DTWD2: variants seen among roughly 807,000 people sequenced by gnomAD.
The protein encoded by DTWD2 is tRNA-uridine aminocarboxypropyltransferase 2.
DTWD2 carries 39 observed loss-of-function variants against 31.8 expected under a neutral mutation model. The observed-to-expected ratio is 1.22, with a 90% CI of 0.95 to 1.60. The LOEUF (loss-of-function observed/expected upper bound fraction) is 1.60. DTWD2 is among the 40% of genes most tolerant of loss of function. DTWD2 has a pLI of 0.00. For synonymous variants in DTWD2, 180 were observed against 142.8 expected (o/e 1.26, Z -1.86); for missense variants, 515 against 381.5 (o/e 1.35, Z -2.92).
chr5:118,966,096 T>C (rs1257459184), intron 1 of DTWD2, among the ~76,000 whole-genome samples: 1 of 152,152 alleles, frequency 6.6e-6, no homozygotes, highest in African/African-American at 2.4e-5. Context: ...CAGCTACGGT[T>C]TGGGTGCAGT....
In DTWD2 at chr5:118,856,764, CTT is replaced by C. The variant is rs68175368; in HGVS notation, c.598-8548_598-8547del. ...TTTACCTTCACTCCATTGAGGCTTA[CTT>C]TTTTTTTTTTTTTTTTTTTTTTGAG... is the stretch of plus-strand genomic sequence containing the variant. On this transcript the variant is annotated intron_variant, in intron 4 of 5. Coordinates refer to ENST00000510708, the MANE Select transcript of DTWD2 (RefSeq NM_173666.4). Among the ~76,000 whole-genome samples, 381 of 44,346 alleles carry C rather than the reference CTT, an allele frequency of 8.6e-3. 1 individual carries two copies. Among genetic ancestry groups the C allele is most frequent in the African/African-American group, 0.031 (363 of 11,634 alleles). 29.1% of individuals were successfully genotyped at this position (44,346 alleles called of 152,430 possible).
chr5:118,966,039 G>A (rs958221554), intron 1 of DTWD2, among the ~76,000 whole-genome samples: 1 of 151,776 alleles, frequency 6.6e-6, no homozygotes, highest in Admixed American at 6.6e-5. Flanking sequence ...TTGCCACTGG[G>A]CATTATGCAC....
intron 1 of DTWD2, among the ~76,000 whole-genome samples, chr5:118,977,538 C>T (rs758617009): frequency 2.6e-5 from 4 of 152,050 alleles, no homozygotes; most frequent in Non-Finnish European, 5.9e-5. Flanking sequence ...TCCTATGTAC[C>T]AACAACAGGC....
rs752265020 is a variant in DTWD2 at position 118,928,704 on chromosome 5, G to A, written c.430C>T (p.Arg144Trp). The change falls in exon 4 of 6, where the codon CGG becomes TGG. Residue 144 changes from arginine (R) to tryptophan (W), a missense_variant. Arg to Trp is a moderately radical substitution (Grantham distance 101). Transcript: ENST00000510708. ...TATAATATTAATGTACCAGACTTCC[G>A]GCAAACAGTTGAAAGTTCAGGATCT... The part of the protein sequence containing the change: ...ERDPELSTVC[R>W]KSGTLILYPG... 2.3e-5 allele frequency: 36 copies of A among 1,569,876 alleles called. No homozygotes were observed. Among genetic ancestry groups the A allele is most frequent in the African/African-American group, 6.8e-5 (5 of 73,398 alleles).
intron 4 of DTWD2, among the ~76,000 whole-genome samples, chr5:118,892,177 C>A (rs2078267232): frequency 6.6e-6 from 1 of 151,960 alleles, no homozygotes. Flanking sequence ...TTAGGAAGCT[C>A]AATTTTAATC....
intron 4 of DTWD2, among the ~76,000 whole-genome samples, chr5:118,869,441 T>C (rs553017178): frequency 2.8e-4 from 42 of 152,122 alleles, no homozygotes; most frequent in Non-Finnish European, 5.0e-4. Context: ...ATCTTTAGGA[T>C]AATTAAACAA....
chr5:118,861,040 A>C (rs1364804408), intron 4 of DTWD2, among the ~76,000 whole-genome samples: 2 of 152,188 alleles, frequency 1.3e-5, no homozygotes, highest in Non-Finnish European at 2.9e-5. Flanking sequence ...TCATTGCTTT[A>C]CACTAGAATT....
chr5:118,858,315 T>C (rs2149543227), intron 4 of DTWD2, among the ~76,000 whole-genome samples: 2 of 152,342 alleles, frequency 1.3e-5, no homozygotes, highest in South Asian at 2.1e-4. Flanking sequence ...AAAGAATATC[T>C]ATATTCAGAT....
Position 118,940,362 on chromosome 5 carries a change from T to A in DTWD2, c.310-1072A>T, listed in dbSNP as rs192690445. Among the ~76,000 whole-genome samples the A allele has an allele frequency of 1.8e-4, 28 of 152,316 alleles. No individual in the cohort carries two copies. In the East Asian group the frequency reaches 3.7e-3, roughly 20 times the overall value. On this transcript the variant is annotated intron_variant, in intron 2 of 5. Coordinates refer to ENST00000510708, the MANE Select transcript of DTWD2 (RefSeq NM_173666.4). Reference sequence around the variant, plus strand: ...GACTGTGACACAAACTTAATCAGTTTCTAAACCTTTATCAAAGTAATACAT... The same window carrying A: ...GACTGTGACACAAACTTAATCAGTTACTAAACCTTTATCAAAGTAATACAT...
chr5:118,942,022 G>A (rs1349019075), intron 2 of DTWD2, among the ~76,000 whole-genome samples: 5 of 152,022 alleles, frequency 3.3e-5, no homozygotes, highest in African/African-American at 1.2e-4. Flanking sequence ...TTTTTGATGG[G>A]GTTCTTTGTT....
intron 1 of DTWD2, 179 bp downstream of exon 1, chr5:118,988,115 A>G (rs1437485081): frequency 2.6e-6 from 2 of 773,720 alleles, no homozygotes; most frequent in Non-Finnish European, 2.2e-6. Flanking sequence ...TGAACCTGGA[A>G]AAAGGGCTTC....
At chr5:118,969,182 C>T (rs962460275) in intron 1 of DTWD2, among the ~76,000 whole-genome samples, 5 of 152,226 alleles carry the variant, frequency 3.3e-5, no homozygotes, top group African/African-American at 1.2e-4. Flanking sequence ...GACTGAGCCA[C>T]CAAGAGGGGA....
At chr5:118,907,778 G>A (rs1317066432) in intron 4 of DTWD2, among the ~76,000 whole-genome samples, 1 of 151,084 alleles carries the variant, frequency 6.6e-6, no homozygotes, top group Non-Finnish European at 1.5e-5. Context: ...TGGCACAGAT[G>A]AAGTCCAAAG....
At chr5:118,900,924 C>CAA (rs538787473) in intron 4 of DTWD2, among the ~76,000 whole-genome samples, 4 of 73,014 alleles carry the variant, frequency 5.5e-5, no homozygotes, top group African/African-American at 2.1e-4. Flanking sequence ...GACTGCGTCT[C>CAA]AAAAAAAAAA....
At position 118,883,203 on chromosome 5, in the gene DTWD2, T is replaced by C. The variant is rs1210753741; in HGVS notation, c.598-34985A>G. Among the ~76,000 whole-genome samples the C allele has an allele frequency of 3.3e-5, 5 of 152,208 alleles. No individual in the cohort carries two copies. In the East Asian group the frequency reaches 7.7e-4, roughly 23 times the overall value. On this transcript the variant is annotated intron_variant, in intron 4 of 5. Transcript: ENST00000510708. Reference sequence around the variant, plus strand: ...TTCAGCCAGTCTCTTTGCTAAAGCATAGCAAGAGTGACCTTTGCTCCAGTT... The same window carrying C: ...TTCAGCCAGTCTCTTTGCTAAAGCACAGCAAGAGTGACCTTTGCTCCAGTT...
At chr5:118,915,203 G>A (rs1364902000) in intron 4 of DTWD2, among the ~76,000 whole-genome samples, 3 of 151,900 alleles carry the variant, frequency 2.0e-5, no homozygotes, top group African/African-American at 7.3e-5. Flanking sequence ...GCAACACAGT[G>A]AGACTCTGTC....
chr5:118,985,517 T>TACAC lies in DTWD2; in HGVS notation c.218+2773_218+2776dup, dbSNP rs1260597928. Among the ~76,000 whole-genome samples, 932 of 107,734 alleles carry TACAC rather than the reference T, an allele frequency of 8.7e-3. 9 individuals carry two copies. Among genetic ancestry groups the TACAC allele is most frequent in the African/African-American group, 0.027 (859 of 31,246 alleles). 70.7% of individuals were successfully genotyped at this position (107,734 alleles called of 152,430 possible). A position where few individuals can be genotyped will look rare whatever the true frequency, so the allele number is the denominator to read the frequency against. ...ATATATATATATATATATATATATA[T>TACAC]ACACACACATATATACATACATATA... On this transcript the variant is annotated intron_variant, in intron 1 of 5. Transcript: ENST00000510708.
intron 4 of DTWD2, among the ~76,000 whole-genome samples, chr5:118,901,476 C>T (rs573538737): frequency 4.6e-5 from 7 of 152,154 alleles, no homozygotes; most frequent in Non-Finnish European, 1.0e-4. Flanking sequence ...TGCCAGAATG[C>T]CTCTCTGATG....
At chr5:118,859,947 A>T (rs1199522036) in intron 4 of DTWD2, among the ~76,000 whole-genome samples, 1 of 151,954 alleles carries the variant, frequency 6.6e-6, no homozygotes, top group Non-Finnish European at 1.5e-5. Flanking sequence ...ATAAATCCCT[A>T]TCTCTACAAA....
Sources: gnomAD v4.1 joint callset for allele counts (sites outside exome capture counted in the v4.1 genomes callset) on GRCh38, gnomAD v4.1.1 for gene constraint, MANE v1.5 for transcripts, NCBI Gene and HGNC (gene_info 2026-07-23, HGNC 2026-07-21) for gene names.